ZNF331: variants seen among roughly 807,000 people sequenced by gnomAD.
The protein encoded by ZNF331 is C2H2-like zinc finger protein rearranged in thyroid adenomas.
In ZNF331, 2 loss-of-function variants were observed where a neutral mutation model predicts 7.0. The observed-to-expected ratio is 0.29, with a 90% CI of 0.12 to 0.90. The LOEUF (loss-of-function observed/expected upper bound fraction) is 0.90, where lower values mean the gene tolerates loss of function less well. Among genes scored for constraint, ZNF331 ranks in the 40% least tolerant of loss-of-function variants. ZNF331 has a pLI of 0.58. For synonymous variants in ZNF331, 196 were observed against 205.4 expected (o/e 0.95, Z 0.39); for missense variants, 432 against 587.7 (o/e 0.74, Z 2.74).
At chr19:53,550,106 G>A (rs1600331367) in intron 2 of ZNF331, among the ~76,000 whole-genome samples, 1 of 152,270 alleles carries the variant, frequency 6.6e-6, no homozygotes, top group South Asian at 2.1e-4. Context: ...TCATTCATAT[G>A]ATGTCAGTCA....
chr19:53,576,570 C>T (rs935533346), intron 5 of ZNF331, 127 bp from the exon 6 acceptor site: 2 of 756,522 alleles, frequency 2.6e-6, no homozygotes, highest in African/African-American at 1.8e-5. Context: ...TTAACAAGAG[C>T]CCTGGGTGAT....
upstream of ZNF331, among the ~76,000 whole-genome samples, chr19:53,535,220 T>A (rs2087700939): frequency 6.6e-6 from 1 of 151,828 alleles, no homozygotes; most frequent in Non-Finnish European, 1.5e-5. Flanking sequence ...GCCTCCTGAG[T>A]AGCTGGGATT....
chr19:53,565,267 A>G (rs1036693763), intron 3 of ZNF331, among the ~76,000 whole-genome samples: 7 of 152,234 alleles, frequency 4.6e-5, no homozygotes, highest in African/African-American at 1.7e-4. Context: ...ACAGCCACTG[A>G]TAATTCATGA....
Position 53,539,291 on chromosome 19 carries a change from C to T in ZNF331, c.-138+9C>T, listed in dbSNP as rs1241257253. 1.6e-5 allele frequency: 2 copies of T among 126,360 alleles called. No homozygotes were observed. The highest frequency in any genetic ancestry group is 3.4e-5 in the Non-Finnish European group (2 of 59,428). 7.8% of individuals were successfully genotyped at this position (126,360 alleles called of 1,614,324 possible). A position where few individuals can be genotyped will look rare whatever the true frequency, so the allele number is the denominator to read the frequency against. On this transcript the variant is annotated intron_variant, in intron 2 of 5. Coordinates refer to ENST00000449416, the MANE Select transcript of ZNF331 (RefSeq NM_001079906.2). The surrounding 1 kb of genome is among the most constrained non-coding windows in gnomAD (Gnocchi z 6.1). ...ACATCTGAAAGGGTCAGGTGAGTATCCTTTTTTTTTTATATTAAATGATAT... is the reference window on the plus strand; with the variant it reads ...ACATCTGAAAGGGTCAGGTGAGTATTCTTTTTTTTTTATATTAAATGATAT...
chr19:53,527,386 G>T (rs116071711), intron 2 of ZNF331, among the ~76,000 whole-genome samples: 3 of 152,192 alleles, frequency 2.0e-5, no homozygotes, highest in African/African-American at 7.2e-5. Context: ...GATGTTGCAC[G>T]GCAAGGGAAA....
chr19:53,513,284 C>T, the ZNF331 span, among the ~76,000 whole-genome samples: 1 of 151,954 alleles, frequency 6.6e-6, no homozygotes, highest in Non-Finnish European at 1.5e-5. Context: ...CGTGGGAGTG[C>T]AGATAGCTCT....
intron 2 of ZNF331, among the ~76,000 whole-genome samples, chr19:53,540,692 C>T (rs2088096594): frequency 1.8e-5 from 1 of 55,278 alleles, no homozygotes; most frequent in Non-Finnish European, 4.0e-5. Flanking sequence ...CGGCCTCAGC[C>T]TCCCAAAGTG....
chr19:53,575,448 G>A (rs1049277211), intron 5 of ZNF331, among the ~76,000 whole-genome samples: 6 of 144,866 alleles, frequency 4.1e-5, no homozygotes, highest in Non-Finnish European at 7.6e-5. Flanking sequence ...ATTTAGTCTC[G>A]TAAATTATCT....
chr19:53,510,596 A>G, the ZNF331 span, among the ~76,000 whole-genome samples: 1 of 152,116 alleles, frequency 6.6e-6, no homozygotes, highest in African/African-American at 2.4e-5. Context: ...ATCAACCAAC[A>G]TGTCTTACAA....
chr19:53,536,266 GTGTTTCATGTGGATGATCC>G (rs969776858), upstream of ZNF331: 15 of 151,982 alleles, frequency 9.9e-5, no homozygotes, highest in Non-Finnish European at 2.2e-4. Context: ...ATATGACTGT[GTGTTTCATGTGGATGATCC>G]TGTTCAAACA....
chr19:53,543,202 A>G (rs1213587645), intron 2 of ZNF331, among the ~76,000 whole-genome samples: 1 of 152,098 alleles, frequency 6.6e-6, no homozygotes, highest in Non-Finnish European at 1.5e-5. Flanking sequence ...AGGCAGGAGG[A>G]TCGCTTGAGC....
At chr19:53,556,725 C>G (rs2089452783) in intron 3 of ZNF331, among the ~76,000 whole-genome samples, 1 of 152,056 alleles carries the variant, frequency 6.6e-6, no homozygotes, top group Non-Finnish European at 1.5e-5. Flanking sequence ...GCAACCTCAG[C>G]CCCCTGGGCT....
At chr19:53,570,491 T>G (rs1467758209) in intron 4 of ZNF331, among the ~76,000 whole-genome samples, 4 of 152,154 alleles carry the variant, frequency 2.6e-5, no homozygotes, top group Non-Finnish European at 5.9e-5. Context: ...TTTGGCATGA[T>G]GAACTGGAGG....
At chr19:53,524,735 GTTTC>G (rs1417232292) in intron 2 of ZNF331, among the ~76,000 whole-genome samples, 1 of 152,100 alleles carries the variant, frequency 6.6e-6, no homozygotes, top group Non-Finnish European at 1.5e-5. Flanking sequence ...TCTGATAGTA[GTTTC>G]TTTTGCTGTT....
the ZNF331 span, among the ~76,000 whole-genome samples, chr19:53,509,740 T>C: frequency 1.3e-5 from 2 of 152,238 alleles, no homozygotes; most frequent in African/African-American, 2.4e-5. Context: ...TGATCACATG[T>C]GGAAGATGAA....
At chr19:53,562,772 G>A (rs990658550) in intron 3 of ZNF331, among the ~76,000 whole-genome samples, 8 of 151,164 alleles carry the variant, frequency 5.3e-5, no homozygotes, top group Non-Finnish European at 7.4e-5. Flanking sequence ...GGCAGATCAC[G>A]AAGTCAGGAG....
At chr19:53,561,609 T>G (rs562374236) in intron 3 of ZNF331, among the ~76,000 whole-genome samples, 1 of 152,236 alleles carries the variant, frequency 6.6e-6, no homozygotes, top group East Asian at 1.9e-4. Context: ...CCTTTAAAAT[T>G]AAAGATTCTA....
intron 2 of ZNF331, among the ~76,000 whole-genome samples, chr19:53,528,887 C>T (rs367930040): frequency 2.9e-4 from 44 of 151,930 alleles, no homozygotes; most frequent in African/African-American, 9.7e-4. Flanking sequence ...CAGGTTTGAG[C>T]GATTCTCCTG....
intron 2 of ZNF331, among the ~76,000 whole-genome samples, chr19:53,545,557 G>A (rs1019935453): frequency 6.6e-6 from 1 of 152,160 alleles, no homozygotes; most frequent in Non-Finnish European, 1.5e-5. Context: ...GGGTGACACA[G>A]CGCCAGTCAC....
Sources: gnomAD v4.1 joint callset for allele counts (sites outside exome capture counted in the v4.1 genomes callset) on GRCh38, gnomAD v4.1.1 for gene constraint, Gnocchi (gnomAD v3.1) non-coding constraint, MANE v1.5 for transcripts, NCBI Gene and HGNC (gene_info 2026-07-23, HGNC 2026-07-21) for gene names.